The following ZNF536 variants were observed in gnomAD, a reference collection of about 807,000 sequenced individuals.
ZNF536 encodes the protein zinc finger protein 536.
In ZNF536, 13 loss-of-function variants were observed where a neutral mutation model predicts 84.5. The ratio of observed to expected loss-of-function variants is 0.15; its 90% confidence interval spans 0.10 to 0.24. The LOEUF (loss-of-function observed/expected upper bound fraction) is 0.24, where lower values mean the gene tolerates loss of function less well. Among genes scored for constraint, ZNF536 ranks in the 10% least tolerant of loss-of-function variants. ZNF536 has a pLI of 1.00. For synonymous variants in ZNF536, 811 were observed against 742.5 expected (o/e 1.09, Z -1.50); for missense variants, 1,536 against 1,747.5 (o/e 0.88, Z 2.16).
At chr19:30,410,579 A>T (rs1343079885) in intron 1 of ZNF536, among the ~76,000 whole-genome samples, 1 of 145,968 alleles carries the variant, frequency 6.9e-6, no homozygotes, top group Non-Finnish European at 1.5e-5. Flanking sequence ...GGTTCACGCC[A>T]TTCTCCTGCC....
rs1340173146 is a variant in ZNF536, at chr19:30,462,571, G to GT, written c.2170+16839_2170+16840insT. The stretch of plus-strand genomic sequence containing the variant: ...TATGTGTATTGATGTGTGCACAGGT[G>GT]ACAGTGACTTGGGATGTGAATGTCA... On this transcript the variant is annotated intron_variant, in intron 2 of 4. Transcript: ENST00000355537. Among the ~76,000 whole-genome samples the GT allele has an allele frequency of 8.4e-4, 128 of 152,256 alleles. 2 individuals carry two copies. The highest frequency in any genetic ancestry group is 1.1e-3 in the Non-Finnish European group (77 of 68,020).
chr19:30,456,993 G>A (rs1053999862), intron 2 of ZNF536, among the ~76,000 whole-genome samples: 12 of 142,162 alleles, frequency 8.4e-5, no homozygotes. Flanking sequence ...GGTAAGCTGT[G>A]ATCACACCAC....
intron 1 of ZNF536, among the ~76,000 whole-genome samples, chr19:30,273,998 A>G (rs1009683801): frequency 6.6e-6 from 1 of 152,256 alleles, no homozygotes; most frequent in African/African-American, 2.4e-5. Flanking sequence ...TCCTCTTTCT[A>G]ATATCTTGTA....
At chr19:30,699,020 T>A (rs1023554936) in intron 1 of ZNF536, among the ~76,000 whole-genome samples, 1 of 152,272 alleles carries the variant, frequency 6.6e-6, no homozygotes, top group Non-Finnish European at 1.5e-5. Flanking sequence ...TTTACTTTGT[T>A]ACTCAAATGG....
intron 1 of ZNF536, among the ~76,000 whole-genome samples, chr19:30,240,404 G>A (rs1411775295): frequency 6.6e-6 from 1 of 151,884 alleles, no homozygotes; most frequent in Non-Finnish European, 1.5e-5. Context: ...AACTGGCTTT[G>A]CTGGGCCAGT....
chr19:30,444,282 G>A lies in ZNF536; in HGVS notation c.720G>A (p.Leu240=), dbSNP rs1270673391. The A allele has an allele frequency of 6.4e-7, 1 of 1,568,562 alleles. No individual in the cohort carries two copies. The highest frequency in any genetic ancestry group is 8.6e-7 in the Non-Finnish European group (1 of 1,165,050). The change falls in exon 2 of 5, where the codon CTG becomes CTA. Residue 240 remains leucine (L), a synonymous_variant. Coordinates refer to ENST00000355537, the MANE Select transcript of ZNF536 (RefSeq NM_014717.3). ...AQQAPLAACT[L]ALQANHSVPD... ...AGGCCCCGCTGGCCGCCTGCACCCT[G>A]GCCCTGCAGGCTAACCACAGCGTTC...
At chr19:30,470,352 C>T (rs1305012383) in intron 2 of ZNF536, among the ~76,000 whole-genome samples, 1 of 152,158 alleles carries the variant, frequency 6.6e-6, no homozygotes, top group Non-Finnish European at 1.5e-5. Flanking sequence ...AATATCACAA[C>T]ACATGAAGCA....
At chr19:30,242,417 G>A (rs2024002542) in intron 1 of ZNF536, among the ~76,000 whole-genome samples, 1 of 152,122 alleles carries the variant, frequency 6.6e-6, no homozygotes, top group Non-Finnish European at 1.5e-5. Flanking sequence ...GGCAGCATTG[G>A]GTTAGACTTG....
At position 30,591,569 on chromosome 19, in the gene ZNF536, C is replaced by T. The variant is rs139769364; in HGVS notation, c.169+42055C>T. Among the ~76,000 whole-genome samples, 231 of 152,268 alleles carry T rather than the reference C, an allele frequency of 1.5e-3. 1 individual carries two copies. Among genetic ancestry groups the T allele is most frequent in the African/African-American group, 5.3e-3 (220 of 41,546 alleles). On this transcript the variant is annotated intron_variant, in intron 1 of 1. Coordinates refer to the ZNF536 transcript ENST00000592773. Reference sequence around the variant, plus strand: ...ATTCAATTATCTCCACCTGGCCCTGCTCTTGACATGAGGGGATTATTACAA... The same window carrying T: ...ATTCAATTATCTCCACCTGGCCCTGTTCTTGACATGAGGGGATTATTACAA...
chr19:30,459,628 G>A (rs2053040936), intron 2 of ZNF536, among the ~76,000 whole-genome samples: 1 of 152,174 alleles, frequency 6.6e-6, no homozygotes, highest in South Asian at 2.1e-4. Flanking sequence ...TGGGATTACA[G>A]GCCTGTGCCA....
chr19:30,612,927 C>T (rs2048151918), intron 1 of ZNF536, among the ~76,000 whole-genome samples: 1 of 152,238 alleles, frequency 6.6e-6, no homozygotes, highest in Admixed American at 6.5e-5. Context: ...GTCATAGCTC[C>T]TTAGCCTCCT....
intron 1 of ZNF536, among the ~76,000 whole-genome samples, chr19:30,240,650 C>T (rs138819516): frequency 1.3e-3 from 197 of 152,302 alleles, no homozygotes; most frequent in Non-Finnish European, 2.0e-3. Flanking sequence ...GAAGAACCCC[C>T]GAGCAGCTGG....
chr19:30,357,187 G>A (rs1202739530), intron 3 of ZNF536, among the ~76,000 whole-genome samples: 1 of 152,266 alleles, frequency 6.6e-6, no homozygotes, highest in African/African-American at 2.4e-5. Context: ...GTACTTGAGA[G>A]AGGGTAGGTG....
intron 1 of ZNF536, among the ~76,000 whole-genome samples, chr19:30,588,399 C>T (rs934163920): frequency 1.2e-4 from 19 of 152,216 alleles, no homozygotes; most frequent in Middle Eastern, 3.4e-3. Context: ...CTGTTTGGCC[C>T]CAGTTGACCC....
chr19:30,455,076 T>C (rs1049230961), intron 2 of ZNF536, among the ~76,000 whole-genome samples: 3 of 151,724 alleles, frequency 2.0e-5, no homozygotes, highest in Non-Finnish European at 4.4e-5. Flanking sequence ...ACAAAGTTTC[T>C]ACTTGGTCTC....
chr19:30,682,824 G>A (rs866710807), intron 1 of ZNF536, among the ~76,000 whole-genome samples: 1 of 152,148 alleles, frequency 6.6e-6, no homozygotes, highest in African/African-American at 2.4e-5. Context: ...AGAATCACCC[G>A]TCTCTTTTTG....
intron 1 of ZNF536, among the ~76,000 whole-genome samples, chr19:30,373,768 C>A (rs1385834844): frequency 6.6e-6 from 1 of 152,216 alleles, no homozygotes; most frequent in Non-Finnish European, 1.5e-5. Context: ...AATCTGCATG[C>A]AAATAGCAGC....
intron 1 of ZNF536, among the ~76,000 whole-genome samples, chr19:30,277,767 G>A (rs1245303238): frequency 6.6e-6 from 1 of 152,226 alleles, no homozygotes; most frequent in African/African-American, 2.4e-5. Context: ...AATGGGTTTT[G>A]GGAAAGATCT....
intron 1 of ZNF536, among the ~76,000 whole-genome samples, chr19:30,617,830 G>T (rs933226468): frequency 1.3e-5 from 2 of 151,956 alleles, no homozygotes; most frequent in African/African-American, 4.8e-5. Context: ...TCTATTTTAA[G>T]AATTAATATC....
Sources: allele counts gnomAD v4.1 joint callset (sites outside exome capture counted in the v4.1 genomes callset), GRCh38; gene constraint gnomAD v4.1.1; transcripts MANE v1.5; gene names NCBI Gene and HGNC (gene_info 2026-07-23, HGNC 2026-07-21).